The following SFT2D1 variants were observed in gnomAD, a reference collection of about 807,000 sequenced individuals.
SFT2D1 encodes SFT2 domain containing 1, also known as vesicle transport protein SFT2A.
Under a neutral mutation model 28.1 loss-of-function variants are expected in SFT2D1, and 24 were observed. The ratio of observed to expected loss-of-function variants is 0.85; its 90% confidence interval spans 0.62 to 1.20. The LOEUF (loss-of-function observed/expected upper bound fraction) is 1.20, where lower values mean the gene tolerates loss of function less well. SFT2D1 is among the 50% of genes most tolerant of loss of function. SFT2D1 has a pLI of 0.00. For synonymous variants in SFT2D1, 82 were observed against 73.7 expected (o/e 1.11, Z -0.58); for missense variants, 181 against 190.9 (o/e 0.95, Z 0.31).
intron 1 of SFT2D1, chr6:166,335,003 A>C (rs1037826953): frequency 2.0e-6 from 1 of 492,934 alleles, no homozygotes; most frequent in African/African-American, 2.0e-5. Context: ...AGGTAGTGCC[A>C]AGAAAAGGGG....
intron 1 of SFT2D1, chr6:166,335,062 A>C: frequency 1.8e-6 from 1 of 548,820 alleles, no homozygotes; most frequent in Non-Finnish European, 3.5e-6. Flanking sequence ...CAAGACTGTC[A>C]CTCAGAAATA....
chr6:166,327,438 G>A lies in SFT2D1; in HGVS notation c.315+838C>T, dbSNP rs200490945. Among the ~76,000 whole-genome samples, 6 of 152,144 alleles carry A rather than the reference G, an allele frequency of 3.9e-5. No homozygotes were observed. In the East Asian group the frequency reaches 1.2e-3, roughly 29 times the overall value. On this transcript the variant is annotated intron_variant, in intron 4 of 7. Transcript: ENST00000361731. ...CCAGGCTCAAGATAATAAGAGTGAT[G>A]ACCTGAGAGTTGTGGACAGAACCCA...
At chr6:166,333,202 C>T (rs1028721331) in intron 1 of SFT2D1, among the ~76,000 whole-genome samples, 6 of 152,188 alleles carry the variant, frequency 3.9e-5, no homozygotes, top group Admixed American at 6.5e-5. Context: ...CAGGCAGAAC[C>T]GCCCGCTCCC....
intron 1 of SFT2D1, among the ~76,000 whole-genome samples, chr6:166,337,236 G>A (rs1226449870): frequency 6.6e-6 from 1 of 152,228 alleles, no homozygotes; most frequent in African/African-American, 2.4e-5. Context: ...GGCTGTAGGA[G>A]TAGACGGGAC....
intron 3 of SFT2D1, among the ~76,000 whole-genome samples, chr6:166,329,241 C>G (rs1016043438): frequency 6.6e-6 from 1 of 152,162 alleles, no homozygotes; most frequent in East Asian, 1.9e-4. Flanking sequence ...CTCACAAGCT[C>G]GTCATAATAC....
chr6:166,333,096 C>T (rs1778580377), intron 1 of SFT2D1, among the ~76,000 whole-genome samples: 1 of 152,212 alleles, frequency 6.6e-6, no homozygotes, highest in Non-Finnish European at 1.5e-5. Context: ...GTATTCCTCC[C>T]ACTCCTTTTT....
In SFT2D1 at chr6:166,328,305, T is replaced by C. The variant is rs1423238218; in HGVS notation, c.286A>G (p.Thr96Ala). The C allele has an allele frequency of 2.5e-6, 4 of 1,596,352 alleles. No individual in the cohort carries two copies. Among genetic ancestry groups the C allele is most frequent in the Non-Finnish European group, 3.4e-6 (4 of 1,172,526 alleles). ...ATAACAATTGTTGCAAGCAATCTTG[T>C]TGCTTCAAACATTTTCTTCAGTTGC... is the stretch of plus-strand genomic sequence containing the variant. ...VKQLKKMFEA[T>A]RLLATIVMLL... The change falls in exon 4 of 8, where the codon ACA becomes GCA. Residue 96 changes from threonine (T) to alanine (A), a missense_variant. Coordinates refer to ENST00000361731, the MANE Select transcript of SFT2D1 (RefSeq NM_145169.3).
intron 4 of SFT2D1, 104 bp from the exon 5 acceptor site, chr6:166,326,271 G>T: frequency 1.1e-6 from 1 of 935,980 alleles, no homozygotes; most frequent in South Asian, 1.6e-5. Context: ...ATATACTATA[G>T]AACAAAAATA....
intron 4 of SFT2D1, among the ~76,000 whole-genome samples, chr6:166,326,640 T>C (rs548393629): frequency 6.6e-6 from 1 of 152,332 alleles, no homozygotes; most frequent in East Asian, 1.9e-4. Context: ...AGTGCATCCG[T>C]GATGGGCTTG....
At chr6:166,328,433 T>C in intron 3 of SFT2D1, 76 bp from the exon 4 acceptor site, 1 of 792,338 alleles carries the variant, frequency 1.3e-6, no homozygotes, top group Non-Finnish European at 1.9e-6. Flanking sequence ...ACTACTTTTT[T>C]AAAAAAGAAG....
intron 1 of SFT2D1, among the ~76,000 whole-genome samples, chr6:166,341,972 TAAC>T (rs1271925686): frequency 2.0e-5 from 3 of 152,078 alleles, no homozygotes; most frequent in Non-Finnish European, 4.4e-5. Flanking sequence ...AACACACACA[TAAC>T]ACCACCTTTA....
At chr6:166,331,244 T>C (rs1236969682) in intron 1 of SFT2D1, 3 of 152,614 alleles carry the variant, frequency 2.0e-5, no homozygotes, top group African/African-American at 4.8e-5. Context: ...CAAGGATTTA[T>C]ATTCCAAAAC....
At chr6:166,336,357 A>AC (rs1182493303) in intron 1 of SFT2D1, among the ~76,000 whole-genome samples, 2 of 152,388 alleles carry the variant, frequency 1.3e-5, no homozygotes, top group East Asian at 3.9e-4. Context: ...GATTGTTGGC[A>AC]CATCCCATGC....
At chr6:166,329,410 G>A (rs990595000) in intron 3 of SFT2D1, 97 bp downstream of exon 3, 7 of 977,550 alleles carry the variant, frequency 7.2e-6, no homozygotes, top group Non-Finnish European at 9.5e-6. Context: ...TTCACAGTAT[G>A]TACAGAACTA....
At chr6:166,332,316 G>A (rs934387691) in intron 1 of SFT2D1, among the ~76,000 whole-genome samples, 1 of 152,062 alleles carries the variant, frequency 6.6e-6, no homozygotes, top group Non-Finnish European at 1.5e-5. Context: ...TTGCTCAGGC[G>A]CCATCTCAGC....
chr6:166,342,002 G>A (rs1364869068), intron 1 of SFT2D1, among the ~76,000 whole-genome samples: 1 of 152,088 alleles, frequency 6.6e-6, no homozygotes, highest in Non-Finnish European at 1.5e-5. Context: ...AAGACAAACA[G>A]ATGCAACAAG....
chr6:166,326,849 G>A (rs1384746350), intron 4 of SFT2D1, among the ~76,000 whole-genome samples: 1 of 152,166 alleles, frequency 6.6e-6, no homozygotes, highest in Non-Finnish European at 1.5e-5. Context: ...AAGTTTGAGG[G>A]GTAAGTGCCA....
At chr6:166,338,401 T>C (rs542315126) in intron 1 of SFT2D1, among the ~76,000 whole-genome samples, 61 of 152,248 alleles carry the variant, frequency 4.0e-4, no homozygotes, top group African/African-American at 1.4e-3. Context: ...AGACAGCACC[T>C]AGCGTACTTA....
intron 1 of SFT2D1, among the ~76,000 whole-genome samples, chr6:166,332,409 C>G (rs1004689726): frequency 6.6e-6 from 1 of 152,200 alleles, no homozygotes; most frequent in Non-Finnish European, 1.5e-5. Context: ...TCCACGCCAC[C>G]AGGCCTGACT....
Sources: gnomAD v4.1 joint callset for allele counts (sites outside exome capture counted in the v4.1 genomes callset) on GRCh38, gnomAD v4.1.1 for gene constraint, MANE v1.5 for transcripts, NCBI Gene and HGNC (gene_info 2026-07-23, HGNC 2026-07-21) for gene names.